CA10: variants seen among roughly 807,000 people sequenced by gnomAD.
The protein encoded by CA10 is carbonic anhydrase-related protein 10.
In CA10, 14 loss-of-function variants were observed where a neutral mutation model predicts 44.2. The observed-to-expected ratio is 0.32, with a 90% CI of 0.21 to 0.50. The LOEUF is 0.50. Among genes scored for constraint, CA10 ranks in the 20% least tolerant of loss-of-function variants. The probability of loss-of-function intolerance (pLI) is 0.99; values close to 1 mark genes in which losing one functional copy is unlikely to be tolerated. For missense variants in CA10, 350 were observed against 409.7 expected (o/e 0.85, Z 1.26); for synonymous variants, 159 against 141.6 (o/e 1.12, Z -0.87).
intron 6 of CA10, among the ~76,000 whole-genome samples, chr17:51,646,041 C>T (rs1030677486): frequency 3.3e-5 from 5 of 152,202 alleles, no homozygotes; most frequent in Non-Finnish European, 7.3e-5. Flanking sequence ...GCTGCTTCAG[C>T]TCACTTGCAG....
In CA10 at chr17:51,870,437, G is replaced by T. The variant is rs79800621; in HGVS notation, c.279+60553C>A. On this transcript the variant is annotated intron_variant, in intron 3 of 8. Transcript: ENST00000451037. Reference sequence around the variant, plus strand: ...TGGCTGTGCTGTCATCAAAACACTGGGTCAAATCAAATAAGTCCATCAAGG... The same window carrying T: ...TGGCTGTGCTGTCATCAAAACACTGTGTCAAATCAAATAAGTCCATCAAGG... Among the ~76,000 whole-genome samples the T allele has an allele frequency of 8.5e-5, 13 of 152,204 alleles. No individual in the cohort carries two copies. In the East Asian group the frequency reaches 2.5e-3, roughly 29 times the overall value.
At chr17:51,764,728 C>T (rs759875124) in intron 3 of CA10, among the ~76,000 whole-genome samples, 6 of 152,172 alleles carry the variant, frequency 3.9e-5, no homozygotes, top group Admixed American at 3.3e-4. Flanking sequence ...CTAGCATCTC[C>T]GTATTTCTTG....
intron 3 of CA10, among the ~76,000 whole-genome samples, chr17:51,889,027 G>T (rs1196608913): frequency 6.6e-6 from 1 of 152,262 alleles, no homozygotes; most frequent in Admixed American, 6.5e-5. Context: ...CTCAGCTGGT[G>T]CTGCCAATCA....
intron 3 of CA10, among the ~76,000 whole-genome samples, chr17:51,896,740 G>A (rs1338393446): frequency 6.6e-6 from 1 of 151,944 alleles, no homozygotes; most frequent in African/African-American, 2.4e-5. Context: ...AACCTCCCCA[G>A]CATCTGTTAC....
intron 2 of CA10, among the ~76,000 whole-genome samples, chr17:51,982,121 T>A (rs1197781611): frequency 6.6e-6 from 1 of 152,002 alleles, no homozygotes; most frequent in Non-Finnish European, 1.5e-5. Flanking sequence ...ATTTCCTCCC[T>A]CTTCAAACAT....
chr17:51,945,702 A>C (rs1260827289), intron 2 of CA10, among the ~76,000 whole-genome samples: 1 of 152,092 alleles, frequency 6.6e-6, no homozygotes, highest in African/African-American at 2.4e-5. Context: ...GGTGGGCTAA[A>C]TTGGTCTTCC....
chr17:52,048,419 T>G (rs1359089037), intron 2 of CA10, among the ~76,000 whole-genome samples: 1 of 152,058 alleles, frequency 6.6e-6, no homozygotes, highest in Non-Finnish European at 1.5e-5. Flanking sequence ...GCAGGCAGTA[T>G]AGCGGGTGGA....
intron 3 of CA10, among the ~76,000 whole-genome samples, chr17:51,830,056 G>C (rs2143781464): frequency 6.6e-6 from 1 of 152,106 alleles, no homozygotes; most frequent in Admixed American, 6.5e-5. Context: ...AATTAGCCGG[G>C]TGTGTTGGCG....
intron 2 of CA10, among the ~76,000 whole-genome samples, chr17:52,017,492 G>C (rs1223879272): frequency 6.6e-6 from 1 of 152,104 alleles, no homozygotes; most frequent in Non-Finnish European, 1.5e-5. Context: ...CTAGGGATCC[G>C]TGGAAGTTTG....
chr17:51,791,570 T>C (rs945142654), intron 3 of CA10, among the ~76,000 whole-genome samples: 1 of 152,200 alleles, frequency 6.6e-6, no homozygotes, highest in African/African-American at 2.4e-5. Flanking sequence ...CCATTCTTTC[T>C]GGCCCACTTT....
intron 1 of CA10, among the ~76,000 whole-genome samples, chr17:52,105,341 G>A (rs144464262): frequency 1.1e-4 from 16 of 151,754 alleles, no homozygotes; most frequent in African/African-American, 2.2e-4. Flanking sequence ...TGCAAGCTCC[G>A]CCTCCCGGGT....
chr17:51,665,906 G>A (rs1288400271), intron 4 of CA10, among the ~76,000 whole-genome samples: 2 of 152,194 alleles, frequency 1.3e-5, no homozygotes, highest in African/African-American at 4.8e-5. Flanking sequence ...TATGCCTGGG[G>A]TTGCAAATGG....
intron 4 of CA10, among the ~76,000 whole-genome samples, chr17:51,703,129 G>T (rs1915653771): frequency 6.6e-6 from 1 of 152,132 alleles, no homozygotes; most frequent in South Asian, 2.1e-4. Flanking sequence ...GCTGACTGGG[G>T]ACTTGAATGA....
At chr17:51,735,979 C>G (rs1259384106) in intron 4 of CA10, among the ~76,000 whole-genome samples, 1 of 152,074 alleles carries the variant, frequency 6.6e-6, no homozygotes, top group Admixed American at 6.5e-5. Flanking sequence ...TTGATGGAAG[C>G]GTTCTAGACC....
At chr17:52,139,966 A>G (rs953980109) in intron 1 of CA10, among the ~76,000 whole-genome samples, 18 of 152,118 alleles carry the variant, frequency 1.2e-4, no homozygotes, top group African/African-American at 4.3e-4. Flanking sequence ...CATGTTTTCA[A>G]ACACCCCCAC....
chr17:52,032,529 C>T (rs1421974122), intron 2 of CA10, among the ~76,000 whole-genome samples: 1 of 152,112 alleles, frequency 6.6e-6, no homozygotes, highest in Non-Finnish European at 1.5e-5. Context: ...TTCATGGTAC[C>T]TTCCTCTTGG....
rs533958046 is a variant in CA10 at position 51,930,132 on chromosome 17, A to G, written c.279+858T>C. On this transcript the variant is annotated intron_variant, in intron 3 of 8. Transcript: ENST00000451037. ...ACAAAGGAAGAGAGAACAGAGCCCA[A>G]TGACCCAAACCCTGAAGAATCAGCC... Among the ~76,000 whole-genome samples the G allele has an allele frequency of 6.0e-3, 349 of 57,738 alleles. 4 individuals are homozygous for G. The highest frequency in any genetic ancestry group is 0.053 in the South Asian group (108 of 2,054). The allele number at this position is 57,738 out of a possible 152,430, so 37.9% of individuals were successfully genotyped here.
intron 3 of CA10, among the ~76,000 whole-genome samples, chr17:51,853,864 T>C (rs76940189): frequency 6.6e-6 from 1 of 152,218 alleles, no homozygotes; most frequent in Non-Finnish European, 1.5e-5. Flanking sequence ...CTTCCCCTTC[T>C]GCCATGATTG....
chr17:52,151,248 G>A (rs953318398), intron 1 of CA10, among the ~76,000 whole-genome samples: 5 of 151,940 alleles, frequency 3.3e-5, no homozygotes, highest in Non-Finnish European at 7.4e-5. Context: ...ATATCCAGTC[G>A]TTTAGTCTAA....
Sources: gnomAD v4.1 joint callset for allele counts (sites outside exome capture counted in the v4.1 genomes callset) on GRCh38, gnomAD v4.1.1 for gene constraint, MANE v1.5 for transcripts, NCBI Gene and HGNC (gene_info 2026-07-23, HGNC 2026-07-21) for gene names.